The following MSLN variants were observed in gnomAD, a reference collection of about 807,000 sequenced individuals.
The protein encoded by MSLN is mesothelin.
Under a neutral mutation model 72.6 loss-of-function variants are expected in MSLN, and 82 were observed. The ratio of observed to expected loss-of-function variants is 1.13; its 90% confidence interval spans 0.94 to 1.36. The LOEUF is 1.36. Among genes scored for constraint, MSLN ranks in the 40% most tolerant of loss-of-function variants. The pLI, the probability that MSLN is intolerant of heterozygous loss-of-function variation, is 0.00. For synonymous variants in MSLN, 456 were observed against 387.3 expected, an observed-to-expected ratio of 1.18 and a Z score of -2.08; for missense variants, 1,005 against 847.9, an observed-to-expected ratio of 1.19 and a Z score of -2.30.
At chr16:762,820 G>GC (rs2151613597) in intron 3 of MSLN, 55 bp downstream of exon 3, 1 of 1,415,908 alleles carries the variant, frequency 7.1e-7, no homozygotes, top group South Asian at 1.4e-5. Context: ...GGCCTTGGGG[G>GC]CCAGGCCCCC....
chr16:766,875 G>T lies in MSLN; in HGVS notation c.1374-10G>T. The T allele has an allele frequency of 1.2e-6, 2 of 1,612,398 alleles. No homozygotes were observed. Among genetic ancestry groups the T allele is most frequent in the Non-Finnish European group, 1.7e-6 (2 of 1,179,864 alleles). The stretch of plus-strand genomic sequence containing the variant: ...TGCTGGCGCTCACTGTCCACCCACC[G>T]TGTCCCCAGGGCGGTCAGGCCCCAG... On this transcript the variant is annotated splice_polypyrimidine_tract_variant and intron_variant, in intron 14 of 17. Transcript: ENST00000545450.
chr16:766,309 G>A, intron 12 of MSLN, 26 bp from the exon 13 acceptor site: 6 of 1,611,958 alleles, frequency 3.7e-6, no homozygotes, highest in Non-Finnish European at 5.1e-6. Context: ...GAGTGACATG[G>A]GCCCTCCTGG....
Position 768,498 on chromosome 16 carries a change from C to A in MSLN, c.1716C>A (p.Asp572Glu). 6.3e-7 allele frequency: 1 copy of A among 1,585,968 alleles called. No individual in the cohort carries two copies. The highest frequency in any genetic ancestry group is 8.6e-7 in the Non-Finnish European group (1 of 1,164,094). ...WILRQRQDDL[D>E]TLGLGLQGGI... The stretch of plus-strand genomic sequence containing the variant: ...TACGGCAGCGGCAGGACGACCTGGA[C>A]ACGCTGGGGCTGGGGCTACAGGGCG... The change falls in exon 17 of 18, where the codon GAC becomes GAA. Residue 572 changes from aspartate (D) to glutamate (E), a missense_variant. Coordinates refer to ENST00000545450, the MANE Select transcript of MSLN (RefSeq NM_005823.6).
At position 768,721 on chromosome 16, in the gene MSLN, C is replaced by T. The variant is rs1222556514; in HGVS notation, c.1857C>T (p.Ser619=). 1.9e-6 allele frequency: 3 copies of T among 1,610,748 alleles called. No homozygotes were observed. The highest frequency in any genetic ancestry group is 2.5e-6 in the Non-Finnish European group (3 of 1,179,518). The change falls in exon 18 of 18, where the codon TCC becomes TCT. Residue 619 remains serine, a synonymous_variant. Coordinates refer to ENST00000545450, the MANE Select transcript of MSLN (RefSeq NM_005823.6). ...CCGTCCTGGCACTGCTCCTAGCCTC[C>T]ACCCTGGCCTGAGGGCCCCACTCCC... is the stretch of plus-strand genomic sequence containing the variant. ...VLTVLALLLA[S]TLA
At chr16:767,137 C>T in intron 15 of MSLN, 125 bp downstream of exon 15, 1 of 1,453,436 alleles carries the variant, frequency 6.9e-7, no homozygotes, top group South Asian at 1.3e-5. Flanking sequence ...GGTCACCCGC[C>T]CTCTGCCCCC....
In MSLN at chr16:768,644, G is replaced by A. The variant is rs199923611; in HGVS notation, c.1784-4G>A. 1.4e-5 allele frequency: 22 copies of A among 1,611,292 alleles called. No individual in the cohort carries two copies. Among genetic ancestry groups the A allele is most frequent in the African/African-American group, 4.0e-5 (3 of 74,910 alleles). ...GGCGCTCTGAGTCACCCCTCTCTCT[G>A]TAGAGGCCCTCTCGGGGACGCCCTG... On this transcript the variant is annotated splice_polypyrimidine_tract_variant and splice_region_variant and intron_variant, in intron 17 of 17. Coordinates refer to ENST00000545450, the MANE Select transcript of MSLN (RefSeq NM_005823.6).
intron 8 of MSLN, 31 bp downstream of exon 8, chr16:765,067 G>A (rs1596692030): frequency 1.3e-5 from 21 of 1,608,094 alleles, no homozygotes; most frequent in South Asian, 2.2e-5. Flanking sequence ...GGGGCGGAGA[G>A]GGCTCGGCAG....
chr16:768,186 T>A (rs187773544), intron 16 of MSLN, among the ~76,000 whole-genome samples, 193 bp from the exon 17 acceptor site: 2 of 150,930 alleles, frequency 1.3e-5, no homozygotes, highest in African/African-American at 4.9e-5. Flanking sequence ...AAGGGCAGCA[T>A]CTTCCCGTGT....
In MSLN at chr16:766,776, G is replaced by A. The variant is rs564316342; in HGVS notation, c.1339G>A (p.Glu447Lys). Residue 447 changes from glutamate (E) to lysine (K), a missense_variant, in exon 14 of 18, where the codon GAG becomes AAG. Physicochemically the swap from Glu to Lys is moderately conservative, Grantham distance 56. Coordinates refer to ENST00000545450, the MANE Select transcript of MSLN (RefSeq NM_005823.6). ...TGGGTACCTGTGCTCCCTCAGCCCCGAGGAGCTGAGCTCCGTGCCCCCCAG... is the reference window on the plus strand; with the variant it reads ...TGGGTACCTGTGCTCCCTCAGCCCCAAGGAGCTGAGCTCCGTGCCCCCCAG... Reference protein sequence around the residue: ...YPGYLCSLSPEELSSVPPSSI... With the variant: ...YPGYLCSLSPKELSSVPPSSI... 1.7e-5 allele frequency: 27 copies of A among 1,612,374 alleles called. No homozygotes were observed. In the Admixed American group the frequency reaches 2.0e-4, roughly 12 times the overall value.
intron 15 of MSLN, 54 bp downstream of exon 15, chr16:767,066 C>T (rs1287201058): frequency 6.8e-6 from 11 of 1,608,756 alleles, no homozygotes; most frequent in Non-Finnish European, 7.6e-6. Flanking sequence ...GAAGCACAGA[C>T]TCCACTCGGG....
chr16:763,439 G>A (rs1350183696), intron 4 of MSLN, among the ~76,000 whole-genome samples, 163 bp downstream of exon 4: 1 of 152,160 alleles, frequency 6.6e-6, no homozygotes, highest in Non-Finnish European at 1.5e-5. Context: ...GAGCAGCCAG[G>A]TCCAGGGAGC....
rs141160926 is a variant in MSLN at position 768,687 on chromosome 16, C to T, written c.1823C>T (p.Pro608Leu). ...SGTPCLLGPG[P>L]VLTVLALLLA... is the part of the protein sequence containing the mutation. ...ACGCCCTGCCTCCTAGGACCTGGACCTGTTCTCACCGTCCTGGCACTGCTC... is the reference window on the plus strand; with the variant it reads ...ACGCCCTGCCTCCTAGGACCTGGACTTGTTCTCACCGTCCTGGCACTGCTC... Residue 608 changes from proline (P) to leucine (L), a missense_variant, in exon 18 of 18, where the codon CCT becomes CTT. Physicochemically the swap from Pro to Leu is moderately conservative, Grantham distance 98 (BLOSUM62 -3). Coordinates refer to ENST00000545450, the MANE Select transcript of MSLN (RefSeq NM_005823.6). 5,416 of 1,611,110 alleles carry T rather than the reference C, an allele frequency of 3.4e-3. 14 individuals are homozygous for T. The highest frequency in any genetic ancestry group is 4.2e-3 in the Non-Finnish European group (4,948 of 1,179,550).
At position 768,423 on chromosome 16, in the gene MSLN, G is replaced by A; in HGVS notation, c.1641G>A (p.Val547=). ...AEVQKLLGPH[V]EGLKAEERHR... ...TGCAGAAACTTCTGGGACCCCACGT[G>A]GAGGGCCTGAAGGCGGAGGAGCGGC... Residue 547 remains valine (V), a synonymous_variant, in exon 17 of 18, where the codon GTG becomes GTA. Coordinates refer to ENST00000545450, the MANE Select transcript of MSLN (RefSeq NM_005823.6). 6 of 1,517,026 alleles carry A rather than the reference G, an allele frequency of 4.0e-6. No homozygotes were observed. Among genetic ancestry groups the A allele is most frequent in the Non-Finnish European group, 5.3e-6 (6 of 1,130,832 alleles). The allele number at this position is 1,517,026 out of a possible 1,614,324, so 94.0% of individuals were successfully genotyped here.
In MSLN at chr16:763,606, G is replaced by A; in HGVS notation, c.130-36G>A. ...CTGGGAACTCCTGCTCCAGAGAGCT[G>A]GTCTGAGCCATGTTCAGCAGGCCCT... is the stretch of plus-strand genomic sequence containing the variant. On this transcript the variant is annotated intron_variant, in intron 4 of 17. Coordinates refer to ENST00000545450, the MANE Select transcript of MSLN (RefSeq NM_005823.6). 2.5e-6 allele frequency: 4 copies of A among 1,574,176 alleles called. No individual in the cohort carries two copies. In the Admixed American group the frequency reaches 5.5e-5, roughly 21 times the overall value.
intron 15 of MSLN, 24 bp downstream of exon 15, chr16:767,036 G>A (rs1199548869): frequency 6.6e-7 from 1 of 1,514,150 alleles, no homozygotes; most frequent in Non-Finnish European, 9.1e-7. Context: ...TCCCTGGCCA[G>A]GGTGGGCAAC....
Position 763,884 on chromosome 16 carries a change from G to A in MSLN, c.180-139G>A, listed in dbSNP as rs1013533222. On this transcript the variant is annotated intron_variant, in intron 5 of 17. Coordinates refer to ENST00000545450, the MANE Select transcript of MSLN (RefSeq NM_005823.6). ...ATGGCAACTCCCGGCCCTTGAGGGCGTCACCTGGTCTTGGGGGGAGGTCTG... is the reference window on the plus strand; with the variant it reads ...ATGGCAACTCCCGGCCCTTGAGGGCATCACCTGGTCTTGGGGGGAGGTCTG... The A allele has an allele frequency of 1.4e-4, 141 of 1,037,780 alleles. 1 individual carries two copies. The highest frequency in any genetic ancestry group is 6.9e-4 in the Admixed American group (24 of 34,634). The allele number at this position is 1,037,780 out of a possible 1,614,324, so 64.3% of individuals were successfully genotyped here.
intron 2 of MSLN, 37 bp downstream of exon 2, chr16:761,211 T>A (rs1319493974): frequency 6.6e-6 from 1 of 152,282 alleles, no homozygotes; most frequent in Non-Finnish European, 1.5e-5. Flanking sequence ...TGTTGTGGTG[T>A]GGATGGAATC....
At chr16:764,838 C>A in intron 7 of MSLN, 69 bp from the exon 8 acceptor site, 2 of 1,590,778 alleles carry the variant, frequency 1.3e-6, no homozygotes, top group Non-Finnish European at 1.7e-6. Flanking sequence ...TGGAGGCCGG[C>A]CGGGCTGCCT....
At chr16:763,377 C>T in intron 4 of MSLN, 101 bp downstream of exon 4, 1 of 1,099,186 alleles carries the variant, frequency 9.1e-7, no homozygotes, top group Non-Finnish European at 1.3e-6. Context: ...TTGCCAGTTT[C>T]CACGGTCCTT....
Sources: gnomAD v4.1 joint callset for allele counts (sites outside exome capture counted in the v4.1 genomes callset) on GRCh38, gnomAD v4.1.1 for gene constraint, MANE v1.5 for transcripts, NCBI Gene and HGNC (gene_info 2026-07-23, HGNC 2026-07-21) for gene names.